CEP162: variants seen among roughly 807,000 people sequenced by gnomAD.
The protein encoded by CEP162 is centrosomal protein of 162 kDa.
In CEP162, 141 loss-of-function variants were observed where a neutral mutation model predicts 169.2. That is an observed-to-expected ratio of 0.83 (90% CI 0.73 to 0.96). The LOEUF is 0.96. Among genes scored for constraint, CEP162 ranks in the 40% least tolerant of loss-of-function variants. The pLI, the probability that CEP162 is intolerant of heterozygous loss-of-function variation, is 0.00. For missense variants in CEP162, 1,600 were observed against 1,587.2 expected (o/e 1.01, Z -0.14); for synonymous variants, 540 against 526.4 (o/e 1.03, Z -0.35).
At chr6:84,190,305 G>T (rs546749299) in intron 11 of CEP162, among the ~76,000 whole-genome samples, 2 of 152,104 alleles carry the variant, frequency 1.3e-5, no homozygotes, top group African/African-American at 4.8e-5. Context: ...ACCAATCAGC[G>T]CCCTGACAAA....
intron 12 of CEP162, among the ~76,000 whole-genome samples, 181 bp downstream of exon 12, chr6:84,186,151 G>A (rs1007936439): frequency 6.6e-6 from 1 of 152,036 alleles, no homozygotes; most frequent in African/African-American, 2.4e-5. Context: ...TGGTATTTTT[G>A]AATTTGGGGA....
At chr6:84,199,877 T>C (rs555283203) in intron 9 of CEP162, among the ~76,000 whole-genome samples, 21 of 152,360 alleles carry the variant, frequency 1.4e-4, no homozygotes, top group African/African-American at 5.0e-4. Flanking sequence ...TCATCTATTT[T>C]ATGAACAAAT....
At position 84,215,285 on chromosome 6, in the gene CEP162, T is replaced by C. The variant is rs773518800; in HGVS notation, c.500A>G (p.His167Arg). The change falls in exon 5 of 27, where the codon CAT (histidine) becomes CGT (arginine). Residue 167 changes from histidine (H) to arginine (R), a missense_variant. By Grantham distance (29) the His-to-Arg change is conservative. Transcript: ENST00000403245. ...AATAGTTTACACTGTACTTTACCTA[T>C]GTAAAGCTTTAAAATGTGTAGAGTC... ...SNDSTHFKAL[H>R]SNQANAELTD... 1.2e-5 allele frequency: 19 copies of C among 1,533,676 alleles called. No individual in the cohort carries two copies. In the Admixed American group the frequency reaches 2.4e-4, roughly 19 times the overall value.
chr6:84,133,553 C>T (rs1335420625), intron 25 of CEP162, among the ~76,000 whole-genome samples: 2 of 152,150 alleles, frequency 1.3e-5, no homozygotes, highest in African/African-American at 2.4e-5. Flanking sequence ...CCTACTCAAG[C>T]CTCAGCAACG....
In CEP162 at chr6:84,163,223, G is replaced by A. The variant is rs370577841; in HGVS notation, c.2433C>T (p.Asp811=). ...LLEDIKRLKQ[D]KQALEVDFEK... ...CGAAGTCTACTTCAAGAGCTTGTTT[G>A]TCTTGTTTCAGTCTTTTGATGTCTT... Residue 811 remains aspartate, a synonymous_variant, in exon 19 of 27, where the codon GAC becomes GAT. Coordinates refer to ENST00000403245, the MANE Select transcript of CEP162 (RefSeq NM_014895.4). The A allele has an allele frequency of 1.1e-5, 18 of 1,611,078 alleles. No individual in the cohort carries two copies. Among genetic ancestry groups the A allele is most frequent in the Non-Finnish European group, 1.5e-5 (18 of 1,177,730 alleles).
Position 84,186,469 on chromosome 6 carries a change from T to C in CEP162, c.1264A>G (p.Ser422Gly). ...NVILQKTTNESMENSCPQVTE... is the reference protein window; with the variant it reads ...NVILQKTTNEGMENSCPQVTE... Reference sequence around the variant, plus strand: ...ACTTGTGGACAGCTGTTTTCCATACTCTCATTTGTGGTCTTTTGTAAAATC... The same window carrying C: ...ACTTGTGGACAGCTGTTTTCCATACCCTCATTTGTGGTCTTTTGTAAAATC... Residue 422 changes from serine to glycine, a missense_variant, in exon 12 of 27, where the codon AGT becomes GGT. Ser to Gly is a moderately conservative substitution (Grantham distance 56). Transcript: ENST00000403245. 1 of 1,613,340 alleles carries C rather than the reference T, an allele frequency of 6.2e-7. No individual in the cohort carries two copies. Among genetic ancestry groups the C allele is most frequent in the Non-Finnish European group, 8.5e-7 (1 of 1,179,434 alleles).
At chr6:84,208,052 C>G (rs552358762) in intron 6 of CEP162, among the ~76,000 whole-genome samples, 1 of 129,562 alleles carries the variant, frequency 7.7e-6, no homozygotes, top group African/African-American at 3.1e-5. Flanking sequence ...CTACAGGTAT[C>G]TCTACTGTAA....
intron 18 of CEP162, among the ~76,000 whole-genome samples, chr6:84,168,435 T>C (rs2129214784): frequency 6.6e-6 from 1 of 152,246 alleles, no homozygotes; most frequent in East Asian, 1.9e-4. Flanking sequence ...GTAACCTAAC[T>C]CTGTGTGGTA....
intron 2 of CEP162, among the ~76,000 whole-genome samples, chr6:84,223,143 A>C (rs1231386253): frequency 6.6e-6 from 1 of 152,230 alleles, no homozygotes; most frequent in Non-Finnish European, 1.5e-5. Flanking sequence ...TACTTTAAAC[A>C]ACCTTCCACA....
intron 6 of CEP162, among the ~76,000 whole-genome samples, chr6:84,204,846 A>G (rs1009899981): frequency 6.6e-6 from 1 of 152,122 alleles, no homozygotes; most frequent in African/African-American, 2.4e-5. Context: ...ACTAATAAAG[A>G]AGAGAGAAGA....
intron 6 of CEP162, among the ~76,000 whole-genome samples, chr6:84,207,830 G>A (rs1053427042): frequency 1.3e-5 from 2 of 151,870 alleles, no homozygotes; most frequent in African/African-American, 2.4e-5. Context: ...TATATTTTTA[G>A]TCTTTTATAT....
At position 84,126,503 on chromosome 6, in the gene CEP162, GTTT is replaced by G; in HGVS notation, c.3877_3879del (p.Lys1293del). 1 of 1,530,866 alleles carries G rather than the reference GTTT, an allele frequency of 6.5e-7. No individual in the cohort carries two copies. Among genetic ancestry groups the G allele is most frequent in the Non-Finnish European group, 8.8e-7 (1 of 1,137,096 alleles). 94.8% of individuals were successfully genotyped at this position (1,530,866 alleles called of 1,614,324 possible). A position where few individuals can be genotyped will look rare whatever the true frequency, so the allele number is the denominator to read the frequency against. On this transcript the variant is annotated inframe_deletion, in exon 26 of 27. Transcript: ENST00000403245. The stretch of plus-strand genomic sequence containing the variant: ...TTGGCTTCTCTCAATTCTTCTAAGA[GTTT>G]TGTAATCTAAAATTGACATATGAAG...
chr6:84,197,506 A>T (rs761725766), intron 9 of CEP162, among the ~76,000 whole-genome samples: 3 of 152,212 alleles, frequency 2.0e-5, no homozygotes, highest in Middle Eastern at 3.4e-3. Flanking sequence ...AAAAGCTCCC[A>T]TATTTTTCAA....
intron 17 of CEP162, among the ~76,000 whole-genome samples, chr6:84,170,234 C>T (rs1404887297): frequency 6.6e-6 from 1 of 151,742 alleles, no homozygotes; most frequent in Non-Finnish European, 1.5e-5. Context: ...ATTAGCCGGG[C>T]ATGGTGGCGG....
At chr6:84,134,390 G>C (rs144548553) in intron 25 of CEP162, among the ~76,000 whole-genome samples, 1 of 152,074 alleles carries the variant, frequency 6.6e-6, no homozygotes, top group African/African-American at 2.4e-5. Context: ...CGCCACTGTG[G>C]TATGAAAAAA....
At chr6:84,133,649 T>A (rs900559509) in intron 25 of CEP162, among the ~76,000 whole-genome samples, 1 of 152,224 alleles carries the variant, frequency 6.6e-6, no homozygotes, top group African/African-American at 2.4e-5. Flanking sequence ...TCTGTGGGCA[T>A]TGGACCCTCT....
intron 25 of CEP162, among the ~76,000 whole-genome samples, chr6:84,133,559 C>A (rs1005481368): frequency 6.6e-6 from 1 of 152,188 alleles, no homozygotes; most frequent in Admixed American, 6.5e-5. Context: ...CAAGCCTCAG[C>A]AACGGCGGAT....
At chr6:84,193,893 T>C (rs907033268) in intron 10 of CEP162, among the ~76,000 whole-genome samples, 7 of 152,154 alleles carry the variant, frequency 4.6e-5, no homozygotes, top group African/African-American at 1.2e-4. Context: ...CAAATATCAA[T>C]ATCAAATATA....
At chr6:84,195,154 A>G (rs2099541577) in intron 9 of CEP162, 79 bp from the exon 10 acceptor site, 2 of 1,167,796 alleles carry the variant, frequency 1.7e-6, no homozygotes, top group Admixed American at 5.8e-5. Context: ...ATCATTCCTT[A>G]ACCTGTTAGG....
Sources: allele counts gnomAD v4.1 joint callset (sites outside exome capture counted in the v4.1 genomes callset), GRCh38; gene constraint gnomAD v4.1.1; transcripts MANE v1.5; gene names NCBI Gene and HGNC (gene_info 2026-07-23, HGNC 2026-07-21).